The following CR1 variants were observed in gnomAD, a reference collection of about 807,000 sequenced individuals.
CR1 encodes complement C3b/C4b receptor 1 (Knops blood group).
In CR1, 116 loss-of-function variants were observed where a neutral mutation model predicts 187.3. The observed-to-expected ratio is 0.62, with a 90% CI of 0.53 to 0.72. CR1 has a LOEUF of 0.72. Ranked by LOEUF, CR1 falls within the 30% of genes least tolerant of loss-of-function variation. The probability of loss-of-function intolerance (pLI) is 0.00; values close to 1 mark genes in which losing one functional copy is unlikely to be tolerated. For missense variants in CR1, 1,731 were observed against 2,110.7 expected, an observed-to-expected ratio of 0.82 and a Z score of 3.52; for synonymous variants, 576 against 747.1, an observed-to-expected ratio of 0.77 and a Z score of 3.73.
At chr1:207,506,213 A>T in intron 2 of CR1, 130 bp downstream of exon 2, 1 of 1,065,286 alleles carries the variant, frequency 9.4e-7, no homozygotes, top group East Asian at 2.5e-5. Flanking sequence ...TATGAGAATT[A>T]TTCTTGTAGA....
chr1:207,502,151 T>C (rs1276517342), intron 1 of CR1, among the ~76,000 whole-genome samples: 1 of 152,170 alleles, frequency 6.6e-6, no homozygotes, highest in African/African-American at 2.4e-5. Context: ...GGACTAAGTA[T>C]TAATTTAGAG....
intron 37 of CR1, among the ~76,000 whole-genome samples, chr1:207,610,871 A>C (rs1333255322): frequency 6.6e-6 from 1 of 152,104 alleles, no homozygotes; most frequent in African/African-American, 2.4e-5. Flanking sequence ...ACAGGCATGC[A>C]ATGTAAAATA....
chr1:207,607,544 C>T (rs1387538784), intron 36 of CR1, among the ~76,000 whole-genome samples: 1 of 152,140 alleles, frequency 6.6e-6, no homozygotes, highest in Non-Finnish European at 1.5e-5. Context: ...GCAAAATACC[C>T]TACTTTCCCA....
rs754796360 is a variant in CR1 at position 207,577,832 on chromosome 1, T to C, written c.4565T>C (p.Ile1522Thr). 8 of 1,613,814 alleles carry C rather than the reference T, an allele frequency of 5.0e-6. No individual in the cohort carries two copies. The highest frequency in any genetic ancestry group is 6.8e-6 in the Non-Finnish European group (8 of 1,179,890). ...ATTCCTTGTGGGCTACCCCCAACCA[T>C]CGCCAATGGAGATTTCATTAGCACC... ...QRIPCGLPPTIANGDFISTNR... is the reference protein window; with the variant it reads ...QRIPCGLPPTTANGDFISTNR... The change falls in exon 29 of 47, where the codon ATC becomes ACC. Residue 1522 changes from isoleucine (I) to threonine (T), a missense_variant. Physicochemically the swap from Ile to Thr is moderately conservative, Grantham distance 89 (BLOSUM62 -1). Coordinates refer to ENST00000367049, the MANE Select transcript of CR1 (RefSeq NM_000651.6).
chr1:207,523,229 A>T (rs2102306307), intron 4 of CR1, among the ~76,000 whole-genome samples: 1 of 152,284 alleles, frequency 6.6e-6, no homozygotes, highest in East Asian at 1.9e-4. Context: ...ATCTTTTAGC[A>T]AATGTTTTTG....
chr1:207,607,390 CT>C, intron 36 of CR1, 54 bp downstream of exon 36: 1 of 1,341,026 alleles, frequency 7.5e-7, no homozygotes. Context: ...TGACTTGCCC[CT>C]GGAGTACAAA....
rs1304528755 is a variant in CR1, at chr1:207,511,595, C to T, written c.428C>T (p.Ala143Val). 15 of 1,613,350 alleles carry T rather than the reference C, an allele frequency of 9.3e-6. No homozygotes were observed. The highest frequency in any genetic ancestry group is 1.3e-5 in the Non-Finnish European group (15 of 1,179,482). ...TACCGACTCATTGGTTCCTCGTCTG[C>T]CACATGCATCATCTCAGGTGATACT... ...KGYRLIGSSS[A>V]TCIISGDTVI... Residue 143 changes from alanine (A) to valine (V), a missense_variant, in exon 4 of 47, where the codon GCC becomes GTC. Ala to Val is a moderately conservative substitution (Grantham distance 64). This residue lies in a region of CR1 where 237 missense variants were observed against 240.4 expected (regional missense o/e 0.99). Transcript: ENST00000367049.
intron 44 of CR1, 27 bp downstream of exon 44, chr1:207,622,023 G>A (rs2102404316): frequency 1.3e-6 from 2 of 1,578,410 alleles, no homozygotes; most frequent in Non-Finnish European, 1.7e-6. Flanking sequence ...TTTTGCTGAG[G>A]AATTCTGGCA....
At chr1:207,498,883 A>AAAAAAAAAAAAAAAAAAAAG (rs1572980923) in intron 1 of CR1, among the ~76,000 whole-genome samples, 1 of 149,120 alleles carries the variant, frequency 6.7e-6, no homozygotes, top group African/African-American at 2.4e-5. Flanking sequence ...AAATCAAAAA[A>AAAAAAAAAAAAAAAAAAAAG]AAAAAAAAAA....
intron 41 of CR1, among the ~76,000 whole-genome samples, chr1:207,617,041 G>C (rs1454334922): frequency 2.6e-5 from 4 of 152,032 alleles, no homozygotes; most frequent in Non-Finnish European, 5.9e-5. Flanking sequence ...GAGAGAAGGG[G>C]GTGGACAGTG....
At chr1:207,580,486 C>CTTTTTTTTTT in intron 30 of CR1, 25 bp from the exon 31 acceptor site, 6 of 1,378,348 alleles carry the variant, frequency 4.4e-6, no homozygotes, top group South Asian at 1.3e-5. Context: ...CCTATTTTTT[C>CTTTTTTTTTT]TTTTTTTTTT....
chr1:207,516,721 C>T (rs923489840), intron 4 of CR1, among the ~76,000 whole-genome samples: 5 of 151,952 alleles, frequency 3.3e-5, no homozygotes, highest in African/African-American at 1.2e-4. Flanking sequence ...ATTTCATTAT[C>T]TTTATTCTGA....
intron 36 of CR1, 97 bp from the exon 37 acceptor site, chr1:207,609,193 A>C: frequency 1.7e-6 from 2 of 1,190,842 alleles, no homozygotes; most frequent in Non-Finnish European, 2.3e-6. Flanking sequence ...TTCCATTTAG[A>C]AAATCATTGG....
chr1:207,567,268 T>G (rs113216804), intron 24 of CR1, among the ~76,000 whole-genome samples: 10 of 148,986 alleles, frequency 6.7e-5, no homozygotes, highest in South Asian at 2.1e-4. Context: ...ATTTGGAGTT[T>G]TTTTTTTTTT....
At position 207,623,574 on chromosome 1, in the gene CR1, GACT is replaced by G. The variant is rs1031946901; in HGVS notation, c.7352+509_7352+511del. On this transcript the variant is annotated intron_variant, in intron 45 of 46. Coordinates refer to ENST00000367049, the MANE Select transcript of CR1 (RefSeq NM_000651.6). Reference sequence around the variant, plus strand: ...CACACCAGCCTGGGTGACAGAGTGAGACTACATCTCAAAACACACACACACACA... The same window carrying G: ...CACACCAGCCTGGGTGACAGAGTGAGACATCTCAAAACACACACACACACA... Among the ~76,000 whole-genome samples, 11 of 149,762 alleles carry G rather than the reference GACT, an allele frequency of 7.3e-5. No individual in the cohort carries two copies. In the South Asian group the frequency reaches 2.4e-3, roughly 32 times the overall value.
intron 35 of CR1, among the ~76,000 whole-genome samples, chr1:207,605,675 G>GTA (rs2102378697): frequency 6.6e-6 from 1 of 152,294 alleles, no homozygotes; most frequent in South Asian, 2.1e-4. Context: ...ACTTTTAAAT[G>GTA]TATGATAGGA....
chr1:207,617,969 A>T lies in CR1; in HGVS notation c.6890-102A>T, dbSNP rs547513142. The T allele has an allele frequency of 4.2e-5, 56 of 1,319,198 alleles. No individual in the cohort carries two copies. In the East Asian group the frequency reaches 1.2e-3, roughly 29 times the overall value. The allele number at this position is 1,319,198 out of a possible 1,614,324, so 81.7% of individuals were successfully genotyped here. Reference sequence around the variant, plus strand: ...TATGACCTGGCTGGTTGAGGTCTTCATGTACCTCTAATAGCCAGAGATATT... The same window carrying T: ...TATGACCTGGCTGGTTGAGGTCTTCTTGTACCTCTAATAGCCAGAGATATT... On this transcript the variant is annotated intron_variant, in intron 41 of 46. Coordinates refer to ENST00000367049, the MANE Select transcript of CR1 (RefSeq NM_000651.6).
Position 207,567,936 on chromosome 1 carries a change from C to G in CR1, c.4065C>G (p.Asp1355Glu), listed in dbSNP as rs1280533160. Residue 1355 changes from aspartate (D) to glutamate (E), a missense_variant, in exon 25 of 47, where the codon GAC becomes GAG. By Grantham distance (45) the Asp-to-Glu change is conservative. Around this residue, in one of 5 missense-constraint regions of CR1, gnomAD observed 1,312 missense variants for 1,379.6 expected, o/e 0.95. Coordinates refer to ENST00000367049, the MANE Select transcript of CR1 (RefSeq NM_000651.6). ...ATTACACATGCGACCCCCACCCAGA[C>G]AGAGGGACGAGCTTCGACCTCATTG... is the stretch of plus-strand genomic sequence containing the variant. ...AVNYTCDPHP[D>E]RGTSFDLIGE... 1.9e-6 allele frequency: 3 copies of G among 1,610,504 alleles called. No homozygotes were observed. In the South Asian group the frequency reaches 3.3e-5, roughly 18 times the overall value.
At chr1:207,600,506 A>G (rs1661573990) in intron 35 of CR1, 1 of 152,200 alleles carries the variant, frequency 6.6e-6, no homozygotes, top group Admixed American at 6.5e-5. Context: ...TTCTCATCGC[A>G]ATACACCAAA....
Sources: gnomAD v4.1 joint callset for allele counts (sites outside exome capture counted in the v4.1 genomes callset) on GRCh38, gnomAD v4.1.1 for gene constraint, gnomAD v4.1.1 regional missense constraint, MANE v1.5 for transcripts, NCBI Gene and HGNC (gene_info 2026-07-23, HGNC 2026-07-21) for gene names.